The following ZNF679 variants were observed in gnomAD, a reference collection of about 807,000 sequenced individuals.
ZNF679 encodes hypothetical protein MGC42415.
Under a neutral mutation model 13.4 loss-of-function variants are expected in ZNF679, and 10 were observed. The observed-to-expected ratio is 0.75, with a 90% CI of 0.46 to 1.27. The LOEUF is 1.27. Among genes scored for constraint, ZNF679 ranks in the 50% most tolerant of loss-of-function variants. The probability of loss-of-function intolerance (pLI) is 0.00; values close to 1 mark genes in which losing one functional copy is unlikely to be tolerated. For missense variants in ZNF679, 525 were observed against 477.8 expected, an observed-to-expected ratio of 1.10 and a Z score of -0.92; for synonymous variants, 179 against 162.5, an observed-to-expected ratio of 1.10 and a Z score of -0.77.
At chr7:64,232,025 A>G (rs1787646272) in intron 1 of ZNF679, among the ~76,000 whole-genome samples, 1 of 152,244 alleles carries the variant, frequency 6.6e-6, no homozygotes. Flanking sequence ...CCACCTGCAC[A>G]CAGTGTCTTA....
chr7:64,231,237 A>T (rs918753061), intron 1 of ZNF679, among the ~76,000 whole-genome samples: 2 of 152,240 alleles, frequency 1.3e-5, no homozygotes, highest in African/African-American at 4.8e-5. Context: ...GGTCCAGGTA[A>T]GAGAGTCATC....
Position 64,260,222 on chromosome 7 carries a change from G to T in ZNF679, c.41G>T (p.Gly14Val). The T allele has an allele frequency of 6.2e-7, 1 of 1,600,568 alleles. No homozygotes were observed. Among genetic ancestry groups the T allele is most frequent in the Non-Finnish European group, 8.5e-7 (1 of 1,176,150 alleles). ...RPGSPGSREM[G>V]LLTFRDVVIE... is the part of the protein sequence containing the mutation. ...TTTGTTGTTGTTATTGTTTTTCAGG[G>T]ACTGTTGACATTCAGAGATGTAGTC... is the stretch of plus-strand genomic sequence containing the variant. Residue 14 changes from glycine (G) to valine (V), a missense_variant and splice_region_variant, in exon 3 of 5, where the codon GGA becomes GTA. Transcript: ENST00000421025.
intron 2 of ZNF679, among the ~76,000 whole-genome samples, chr7:64,252,167 G>C (rs1787951916): frequency 6.6e-6 from 1 of 152,198 alleles, no homozygotes; most frequent in African/African-American, 2.4e-5. Flanking sequence ...GCATTTCAGT[G>C]AGCAGGATGC....
chr7:64,252,002 G>T (rs1030271797), intron 2 of ZNF679, among the ~76,000 whole-genome samples: 1 of 152,148 alleles, frequency 6.6e-6, no homozygotes, highest in African/African-American at 2.4e-5. Flanking sequence ...AGTAATTTCT[G>T]CCCTCTGGAT....
chr7:64,252,174 A>T (rs1332692642), intron 2 of ZNF679, among the ~76,000 whole-genome samples: 1 of 152,224 alleles, frequency 6.6e-6, no homozygotes, highest in Admixed American at 6.5e-5. Flanking sequence ...AGTGAGCAGG[A>T]TGCACGTGGG....
intron 1 of ZNF679, among the ~76,000 whole-genome samples, chr7:64,234,538 G>T (rs1787682857): frequency 6.6e-6 from 1 of 152,146 alleles, no homozygotes; most frequent in Non-Finnish European, 1.5e-5. Flanking sequence ...CAACCATGAG[G>T]AATTGGAAAT....
At chr7:64,249,777 A>C (rs952360712) in intron 2 of ZNF679, among the ~76,000 whole-genome samples, 1 of 152,222 alleles carries the variant, frequency 6.6e-6, no homozygotes, top group Non-Finnish European at 1.5e-5. Flanking sequence ...ATGTCATCAC[A>C]GATTAATTAG....
chr7:64,237,388 G>A (rs1335280212), intron 1 of ZNF679, among the ~76,000 whole-genome samples: 2 of 152,152 alleles, frequency 1.3e-5, no homozygotes, highest in African/African-American at 4.8e-5. Context: ...AGCCAGGTGG[G>A]GAGAGGAGTC....
chr7:64,246,266 C>T (rs1396199013), intron 1 of ZNF679, among the ~76,000 whole-genome samples: 2 of 152,156 alleles, frequency 1.3e-5, no homozygotes, highest in African/African-American at 4.8e-5. Context: ...CATTCTTTAC[C>T]CAGGTGTGCC....
Position 64,266,896 on chromosome 7 carries a change from T to C in ZNF679, c.*27T>C. On this transcript the variant is annotated 3_prime_UTR_variant, in exon 5 of 5. Transcript: ENST00000421025. ...GTGATAAAGTCCAGCCTTCAGACCT[T>C]ATAATACATAAAATAATTTATACTT... 1 of 1,492,694 alleles carries C rather than the reference T, an allele frequency of 6.7e-7. No individual in the cohort carries two copies. The highest frequency in any genetic ancestry group is 8.9e-7 in the Non-Finnish European group (1 of 1,124,898). The allele number at this position is 1,492,694 out of a possible 1,614,324, so 92.5% of individuals were successfully genotyped here. A position where few individuals can be genotyped will look rare whatever the true frequency, so the allele number is the denominator to read the frequency against.
chr7:64,248,220 G>A (rs1787893723), intron 1 of ZNF679, among the ~76,000 whole-genome samples: 2 of 151,958 alleles, frequency 1.3e-5, no homozygotes, highest in South Asian at 4.1e-4. Flanking sequence ...AACAGCATGA[G>A]GATAATCCCC....
intron 1 of ZNF679, among the ~76,000 whole-genome samples, chr7:64,238,794 G>A (rs569737537): frequency 5.9e-5 from 9 of 152,146 alleles, no homozygotes; most frequent in Non-Finnish European, 1.2e-4. Context: ...TCCTACAGAG[G>A]ACATCAAAAC....
At position 64,249,176 on chromosome 7, in the gene ZNF679, C is replaced by G; in HGVS notation, c.39+20C>G. The G allele has an allele frequency of 6.2e-7, 1 of 1,614,042 alleles. No homozygotes were observed. Among genetic ancestry groups the G allele is most frequent in the Non-Finnish European group, 8.5e-7 (1 of 1,179,996 alleles). ...GAAATGGTGAGTGCTGGGTCTGTCACCGTGAGAGAGGGGTGAGGGCTGGTT... is the reference window on the plus strand; with the variant it reads ...GAAATGGTGAGTGCTGGGTCTGTCAGCGTGAGAGAGGGGTGAGGGCTGGTT... On this transcript the variant is annotated intron_variant, in intron 2 of 4. Coordinates refer to ENST00000421025, the MANE Select transcript of ZNF679 (RefSeq NM_153363.3).
chr7:64,266,830 G>A lies in ZNF679; in HGVS notation c.1197G>A (p.Lys399=), dbSNP rs767513551. 1 of 1,595,414 alleles carries A rather than the reference G, an allele frequency of 6.3e-7. No individual in the cohort carries two copies. Among genetic ancestry groups the A allele is most frequent in the Non-Finnish European group, 8.5e-7 (1 of 1,170,254 alleles). ...GGTCCTCAAGTCTTGCTAATCATAA[G>A]AGTATGCATACTGGAGAGAAACCCT... is the stretch of plus-strand genomic sequence containing the variant. ...FKWSSSLANH[K]SMHTGEKPYK... Residue 399 remains lysine, a synonymous_variant, in exon 5 of 5, where the codon AAG becomes AAA. Coordinates refer to ENST00000421025, the MANE Select transcript of ZNF679 (RefSeq NM_153363.3).
At chr7:64,228,973 T>C (rs779021932) in intron 1 of ZNF679, among the ~76,000 whole-genome samples, 1 of 152,150 alleles carries the variant, frequency 6.6e-6, no homozygotes, top group Non-Finnish European at 1.5e-5. Context: ...TTGGCTCTGT[T>C]ATGACACTCT....
chr7:64,254,667 C>T (rs975980274), intron 2 of ZNF679, among the ~76,000 whole-genome samples: 16 of 151,944 alleles, frequency 1.1e-4, no homozygotes, highest in African/African-American at 3.4e-4. Context: ...AGATGAGTCC[C>T]CGGGATTTGT....
chr7:64,241,996 CT>C (rs1787804982), intron 1 of ZNF679, among the ~76,000 whole-genome samples: 2 of 152,216 alleles, frequency 1.3e-5, no homozygotes, highest in African/African-American at 4.8e-5. Flanking sequence ...GTCAACATAT[CT>C]TGGGATATGT....
chr7:64,235,100 A>T lies in ZNF679; in HGVS notation c.-91+6448A>T, dbSNP rs546537223. Among the ~76,000 whole-genome samples the T allele has an allele frequency of 5.9e-5, 9 of 152,326 alleles. No homozygotes were observed. The South Asian group carries it at 1.9e-3, about 32-fold the overall frequency. On this transcript the variant is annotated intron_variant, in intron 1 of 4. Transcript: ENST00000421025. The stretch of plus-strand genomic sequence containing the variant: ...TGATACACCTGCTTCAGCCTCCCGA[A>T]GTGCTGGGATTACAGGTGTAAGCCA...
At chr7:64,260,998 TA>T in intron 4 of ZNF679, 69 bp downstream of exon 4, 1 of 1,458,900 alleles carries the variant, frequency 6.9e-7, no homozygotes, top group Non-Finnish European at 9.3e-7. Flanking sequence ...AGCCAGTCCT[TA>T]AAATGTGATT....
Sources: allele counts gnomAD v4.1 joint callset (sites outside exome capture counted in the v4.1 genomes callset), GRCh38; gene constraint gnomAD v4.1.1; transcripts MANE v1.5; gene names NCBI Gene and HGNC (gene_info 2026-07-23, HGNC 2026-07-21).